CRADD: variants seen among roughly 807,000 people sequenced by gnomAD.
CRADD encodes death domain-containing protein CRADD.
A neutral mutation model predicts 15.5 loss-of-function variants in CRADD; 9 were observed. The ratio of observed to expected loss-of-function variants is 0.58; its 90% CI spans 0.35 to 1.01. The LOEUF is 1.01. CRADD is among the 50% of genes least tolerant of loss of function. The pLI is 0.02. For missense variants in CRADD, 227 were observed against 250.3 expected, an observed-to-expected ratio of 0.91 and a Z score of 0.63; for synonymous variants, 118 against 107.6, an observed-to-expected ratio of 1.10 and a Z score of -0.60.
chr12:93,888,472 C>T (rs901518476), intron 2 of CRADD, among the ~76,000 whole-genome samples: 2 of 151,156 alleles, frequency 1.3e-5, no homozygotes, highest in Admixed American at 1.3e-4. Context: ...GGTGGGGGCT[C>T]ACCTTCTATA....
At chr12:93,832,748 T>A (rs1957923229) in intron 2 of CRADD, among the ~76,000 whole-genome samples, 1 of 152,248 alleles carries the variant, frequency 6.6e-6, no homozygotes, top group South Asian at 2.1e-4. Flanking sequence ...ATTAAGGAGT[T>A]CATTTTCCCT....
chr12:93,682,877 C>A (rs750310875), intron 2 of CRADD, among the ~76,000 whole-genome samples: 7 of 152,028 alleles, frequency 4.6e-5, no homozygotes, highest in Admixed American at 1.3e-4. Context: ...TTTTTCTCAC[C>A]CTGTAAGGAC....
chr12:93,837,802 A>C lies in CRADD; in HGVS notation c.299-12168A>C, dbSNP rs553328148. On this transcript the variant is annotated intron_variant, in intron 2 of 2. Coordinates refer to ENST00000332896, the MANE Select transcript of CRADD (RefSeq NM_003805.5). ...GAAGTCATCTGGTTTTACCTTTTAC[A>C]AAGAAGAAAGCAGTCTAAGAGAGGC... 7 of 152,338 alleles carry C rather than the reference A, an allele frequency of 4.6e-5. No individual in the cohort carries two copies. In the East Asian group the frequency reaches 1.4e-3, roughly 29 times the overall value. The allele number at this position is 152,338 out of a possible 1,614,324, so 9.4% of individuals were successfully genotyped here.
intron 2 of CRADD, among the ~76,000 whole-genome samples, chr12:93,870,191 A>T (rs139323343): frequency 5.3e-5 from 8 of 152,302 alleles, no homozygotes; most frequent in African/African-American, 1.9e-4. Flanking sequence ...AGTATTTTTT[A>T]AAAAATCATT....
chr12:93,861,572 C>T (rs1958319737), intron 2 of CRADD, among the ~76,000 whole-genome samples: 1 of 152,188 alleles, frequency 6.6e-6, no homozygotes, highest in Non-Finnish European at 1.5e-5. Context: ...GCTACAAAGG[C>T]CTGGCCCTGC....
chr12:93,867,288 C>T (rs752928426), intron 2 of CRADD, among the ~76,000 whole-genome samples: 4 of 151,372 alleles, frequency 2.6e-5, no homozygotes, highest in Non-Finnish European at 5.9e-5. Context: ...ATTCTCCTTT[C>T]CTCCTTCGGT....
At chr12:93,815,767 T>C (rs891677875) in intron 2 of CRADD, 1 of 152,222 alleles carries the variant, frequency 6.6e-6, no homozygotes, top group Non-Finnish European at 1.5e-5. Flanking sequence ...CTTTCATGCA[T>C]TGTATTGCAT....
intron 2 of CRADD, among the ~76,000 whole-genome samples, chr12:93,816,603 A>G (rs1360885350): frequency 6.6e-6 from 1 of 152,200 alleles, no homozygotes; most frequent in Admixed American, 6.5e-5. Context: ...CTTCACATTT[A>G]GAGCACACTT....
At chr12:93,884,592 G>A (rs535464065) in intron 2 of CRADD, among the ~76,000 whole-genome samples, 1 of 152,308 alleles carries the variant, frequency 6.6e-6, no homozygotes, top group African/African-American at 2.4e-5. Context: ...CTGTTCCTGT[G>A]TGGTGAGCTG....
intron 2 of CRADD, among the ~76,000 whole-genome samples, chr12:93,786,982 G>T (rs1214746038): frequency 2.0e-5 from 3 of 152,148 alleles, no homozygotes; most frequent in African/African-American, 7.2e-5. Flanking sequence ...GCTATTTAAG[G>T]ATTTATATTG....
At chr12:93,751,021 G>A (rs1956822923) in intron 2 of CRADD, among the ~76,000 whole-genome samples, 1 of 152,156 alleles carries the variant, frequency 6.6e-6, no homozygotes, top group South Asian at 2.1e-4. Flanking sequence ...AACTGACCTG[G>A]TAACTTGCCT....
intron 2 of CRADD, among the ~76,000 whole-genome samples, chr12:93,750,804 A>G (rs1209998703): frequency 1.3e-5 from 2 of 152,230 alleles, no homozygotes; most frequent in African/African-American, 4.8e-5. Flanking sequence ...AAGTTACCTA[A>G]TTATATCATA....
intron 2 of CRADD, among the ~76,000 whole-genome samples, chr12:93,774,379 C>T (rs958812745): frequency 3.3e-5 from 5 of 152,104 alleles, no homozygotes; most frequent in African/African-American, 7.2e-5. Context: ...AGATGAGGAG[C>T]CTGAGGGCTT....
At chr12:93,881,124 C>T (rs893691631) in intron 2 of CRADD, among the ~76,000 whole-genome samples, 8 of 152,326 alleles carry the variant, frequency 5.3e-5, no homozygotes, top group Admixed American at 1.3e-4. Context: ...AGTAGCTACA[C>T]TGTCAACCTC....
At chr12:93,741,163 G>A (rs532646507) in intron 2 of CRADD, among the ~76,000 whole-genome samples, 7 of 152,278 alleles carry the variant, frequency 4.6e-5, no homozygotes, top group South Asian at 2.1e-4. Flanking sequence ...GCTAACTCCC[G>A]GAGTTGTGTA....
At chr12:93,842,945 A>T (rs1235942539) in intron 2 of CRADD, among the ~76,000 whole-genome samples, 1 of 152,156 alleles carries the variant, frequency 6.6e-6, no homozygotes, top group Non-Finnish European at 1.5e-5. Context: ...GAATGGGATT[A>T]AAAGATTGCA....
At chr12:93,879,865 C>T (rs1470063516) in intron 2 of CRADD, among the ~76,000 whole-genome samples, 1 of 152,184 alleles carries the variant, frequency 6.6e-6, no homozygotes, top group East Asian at 1.9e-4. Context: ...TCTTGTCAAG[C>T]GTCCTACAAT....
intron 2 of CRADD, among the ~76,000 whole-genome samples, chr12:93,748,814 T>C (rs1449323166): frequency 6.6e-6 from 1 of 152,180 alleles, no homozygotes. Context: ...TGGGAGTTGA[T>C]TGGAAACAGG....
intron 2 of CRADD, among the ~76,000 whole-genome samples, chr12:93,730,645 T>A (rs1956446778): frequency 6.6e-6 from 1 of 152,034 alleles, no homozygotes; most frequent in African/African-American, 2.4e-5. Context: ...CAGTGAAAGA[T>A]GGGTTAAATG....
Sources: gnomAD v4.1 joint callset for allele counts (sites outside exome capture counted in the v4.1 genomes callset) on GRCh38, gnomAD v4.1.1 for gene constraint, MANE v1.5 for transcripts, NCBI Gene and HGNC (gene_info 2026-07-23, HGNC 2026-07-21) for gene names.